The following PRR16 variants were observed in gnomAD, a reference collection of about 807,000 sequenced individuals.
PRR16 encodes the protein proline rich 16.
A neutral mutation model predicts 18.2 loss-of-function variants in PRR16; 6 were observed. That is an observed-to-expected ratio of 0.33 (90% CI 0.18 to 0.65). The LOEUF is 0.65. PRR16 is among the 30% of genes least tolerant of loss of function. The pLI, the probability that PRR16 is intolerant of heterozygous loss-of-function variation, is 0.74. For synonymous variants in PRR16, 151 were observed against 147.8 expected (o/e 1.02, Z -0.16); for missense variants, 412 against 376.6 (o/e 1.09, Z -0.78).
intron 1 of PRR16, among the ~76,000 whole-genome samples, chr5:120,662,798 T>A (rs1400886150): frequency 1.3e-5 from 2 of 152,122 alleles, no homozygotes; most frequent in Non-Finnish European, 2.9e-5. Context: ...AAGGTGAGCT[T>A]ATTTCATTCC....
chr5:120,703,729 G>T, the PRR16 span, among the ~76,000 whole-genome samples: 2 of 151,976 alleles, frequency 1.3e-5, no homozygotes, highest in South Asian at 4.1e-4. Flanking sequence ...TTATGTCTCT[G>T]GTTCTCTGTG....
chr5:120,778,554 T>A, the PRR16 span, among the ~76,000 whole-genome samples: 2 of 152,184 alleles, frequency 1.3e-5, no homozygotes, highest in Non-Finnish European at 2.9e-5. Context: ...GACAACTAGA[T>A]GTTTTCCCAA....
intron 1 of PRR16, among the ~76,000 whole-genome samples, chr5:120,511,089 T>G (rs970906681): frequency 2.0e-5 from 3 of 152,176 alleles, no homozygotes; most frequent in Non-Finnish European, 4.4e-5. Context: ...CAAAGCAGAA[T>G]GTCAGTGTAT....
At chr5:120,778,215 A>G in the PRR16 span, among the ~76,000 whole-genome samples, 1,375 of 152,248 alleles carry the variant, frequency 9.0e-3, 12 homozygotes, top group African/African-American at 0.032. Context: ...GAATTGACCC[A>G]TTCTCAGGTT....
At chr5:120,602,269 A>G (rs763529881) in intron 1 of PRR16, among the ~76,000 whole-genome samples, 4 of 151,868 alleles carry the variant, frequency 2.6e-5, no homozygotes, top group African/African-American at 9.7e-5. Context: ...TGTAGTACAG[A>G]TCTTTCACTT....
At chr5:120,778,020 T>C in the PRR16 span, among the ~76,000 whole-genome samples, 1 of 152,122 alleles carries the variant, frequency 6.6e-6, no homozygotes, top group Non-Finnish European at 1.5e-5. Context: ...GATAGTGTAG[T>C]TTACTTCTTT....
the PRR16 span, among the ~76,000 whole-genome samples, chr5:120,711,256 T>G: frequency 1.1e-3 from 161 of 152,352 alleles, no homozygotes; most frequent in African/African-American, 3.7e-3. Context: ...TGGGCATCTT[T>G]GGAGAGCCAT....
intron 1 of PRR16, among the ~76,000 whole-genome samples, chr5:120,525,250 A>G (rs1751311028): frequency 6.6e-6 from 1 of 152,140 alleles, no homozygotes; most frequent in Non-Finnish European, 1.5e-5. Context: ...CTTCAAATTC[A>G]CCAGACTCTT....
intron 1 of PRR16, among the ~76,000 whole-genome samples, chr5:120,505,599 C>T (rs184199699): frequency 5.9e-5 from 9 of 152,010 alleles, no homozygotes; most frequent in South Asian, 2.1e-4. Context: ...ATGCATTTGG[C>T]GACTGTACAA....
At chr5:120,712,736 T>C in the PRR16 span, among the ~76,000 whole-genome samples, 1 of 152,078 alleles carries the variant, frequency 6.6e-6, no homozygotes. Context: ...TAATCATCAC[T>C]AATAATTAGG....
intron 1 of PRR16, among the ~76,000 whole-genome samples, chr5:120,585,372 G>A (rs555105158): frequency 1.2e-4 from 19 of 152,250 alleles, no homozygotes; most frequent in Admixed American, 2.6e-4. Flanking sequence ...CACTTTGGGA[G>A]GCTGAGATGG....
At chr5:120,563,127 G>T (rs928422887) in intron 1 of PRR16, among the ~76,000 whole-genome samples, 1 of 152,076 alleles carries the variant, frequency 6.6e-6, no homozygotes, top group African/African-American at 2.4e-5. Flanking sequence ...CTTCATGCTT[G>T]AGGGATATTT....
At chr5:120,516,793 T>C (rs1413169507) in intron 1 of PRR16, among the ~76,000 whole-genome samples, 3 of 152,158 alleles carry the variant, frequency 2.0e-5, no homozygotes, top group South Asian at 2.1e-4. Context: ...TTTTGCACCA[T>C]AGACTAATGT....
chr5:120,570,161 T>C (rs528802846), intron 1 of PRR16, among the ~76,000 whole-genome samples: 3 of 152,056 alleles, frequency 2.0e-5, no homozygotes, highest in Non-Finnish European at 4.4e-5. Context: ...AGAAGATAAA[T>C]AAAACCCTTC....
At chr5:120,782,833 C>G in the PRR16 span, among the ~76,000 whole-genome samples, 3 of 152,120 alleles carry the variant, frequency 2.0e-5, no homozygotes, top group Non-Finnish European at 4.4e-5. Context: ...TCTGAACCCA[C>G]CAGTTCAGAT....
chr5:120,722,874 TACAG>T, the PRR16 span, among the ~76,000 whole-genome samples: 240 of 151,754 alleles, frequency 1.6e-3, 1 homozygote, highest in African/African-American at 5.4e-3. Flanking sequence ...TCTGTAGATA[TACAG>T]ACAGACATAT....
At chr5:120,527,526 A>G (rs1751411419) in intron 1 of PRR16, among the ~76,000 whole-genome samples, 2 of 152,244 alleles carry the variant, frequency 1.3e-5, no homozygotes, top group African/African-American at 2.4e-5. Context: ...CCAGCAAGTA[A>G]CAGTTTAAGT....
chr5:120,767,567 G>C, the PRR16 span, among the ~76,000 whole-genome samples: 4 of 151,768 alleles, frequency 2.6e-5, no homozygotes, highest in Non-Finnish European at 5.9e-5. Context: ...TGTCATCTGA[G>C]TCCTAAATTC....
At chr5:120,567,657 C>A (rs1490842720) in intron 1 of PRR16, among the ~76,000 whole-genome samples, 3 of 152,032 alleles carry the variant, frequency 2.0e-5, no homozygotes, top group Non-Finnish European at 4.4e-5. Context: ...GACTGGTAAT[C>A]AGATCTGGTT....
Sources: gnomAD v4.1 joint callset for allele counts (sites outside exome capture counted in the v4.1 genomes callset) on GRCh38, gnomAD v4.1.1 for gene constraint, MANE v1.5 for transcripts, NCBI Gene and HGNC (gene_info 2026-07-23, HGNC 2026-07-21) for gene names.